The following PDE4D variants were observed in gnomAD, a reference collection of about 807,000 sequenced individuals.
PDE4D encodes phosphodiesterase 4D, also known as 3',5'-cyclic-AMP phosphodiesterase 4D.
PDE4D carries 24 observed loss-of-function variants against 87.4 expected under a neutral mutation model. The ratio of observed to expected loss-of-function variants is 0.27; its 90% CI spans 0.20 to 0.39. The LOEUF is 0.39. PDE4D is among the 10% of genes least tolerant of loss of function. The pLI is 1.00. For missense variants in PDE4D, 714 were observed against 1,041.0 expected, an observed-to-expected ratio of 0.69 and a Z score of 4.32; for synonymous variants, 384 against 383.2, an observed-to-expected ratio of 1.00 and a Z score of -0.02.
At chr5:59,793,269 G>A (rs1766036169) in intron 1 of PDE4D, among the ~76,000 whole-genome samples, 1 of 152,216 alleles carries the variant, frequency 6.6e-6, no homozygotes, top group South Asian at 2.1e-4. Flanking sequence ...ATGAAATATT[G>A]ACTCTGGAAT....
rs556929686 is a variant in PDE4D, at chr5:59,767,676, G to T, written c.455+125492C>A. 3.3e-5 allele frequency among the ~76,000 whole-genome samples: 5 copies of T among 152,258 alleles called. No individual in the cohort carries two copies. The South Asian group carries it at 6.2e-4, about 19-fold the overall frequency. Reference sequence around the variant, plus strand: ...CAAGTACCAGCCTGCAACTTTCTGCGTAGAATTCCTAATCCCTTTCTTCTT... The same window carrying T: ...CAAGTACCAGCCTGCAACTTTCTGCTTAGAATTCCTAATCCCTTTCTTCTT... On this transcript the variant is annotated intron_variant, in intron 1 of 14. Transcript: ENST00000340635.
intron 2 of PDE4D, among the ~76,000 whole-genome samples, chr5:60,105,992 A>C (rs1034763225): frequency 1.3e-5 from 2 of 152,228 alleles, no homozygotes; most frequent in African/African-American, 4.8e-5. Flanking sequence ...GACAGGATCA[A>C]CTTCACACAT....
intron 2 of PDE4D, among the ~76,000 whole-genome samples, chr5:60,048,148 T>C (rs1769549846): frequency 6.6e-6 from 1 of 152,028 alleles, no homozygotes; most frequent in Admixed American, 6.5e-5. Flanking sequence ...TTGATCTTTG[T>C]TGGTTTAAAG....
At chr5:59,619,015 T>C (rs954033493) in intron 1 of PDE4D, among the ~76,000 whole-genome samples, 2 of 152,174 alleles carry the variant, frequency 1.3e-5, no homozygotes, top group African/African-American at 4.8e-5. Context: ...AGGTATTTTG[T>C]TATAGCAACA....
At chr5:59,689,182 T>A (rs1459035390) in intron 1 of PDE4D, among the ~76,000 whole-genome samples, 4 of 152,008 alleles carry the variant, frequency 2.6e-5, no homozygotes, top group African/African-American at 9.7e-5. Context: ...ACTATTCCAA[T>A]CGATAGAAAA....
At chr5:60,322,410 ACAC>A (rs1756385958) in intron 1 of PDE4D, among the ~76,000 whole-genome samples, 2 of 133,710 alleles carry the variant, frequency 1.5e-5, no homozygotes, top group African/African-American at 5.6e-5. Flanking sequence ...ACACACACAC[ACAC>A]ACAAAACCCT....
chr5:59,897,271 G>T (rs1422530831), upstream of PDE4D, among the ~76,000 whole-genome samples: 1 of 152,056 alleles, frequency 6.6e-6, no homozygotes. Context: ...TCAATGTGCT[G>T]CTGGGCAATT....
intron 1 of PDE4D, among the ~76,000 whole-genome samples, chr5:59,247,336 T>C (rs1445966509): frequency 3.3e-5 from 5 of 152,158 alleles, no homozygotes; most frequent in African/African-American, 1.2e-4. Flanking sequence ...GTAGTTTCAA[T>C]GTTTGTGGGC....
chr5:59,881,549 T>C (rs1008860155), intron 1 of PDE4D, among the ~76,000 whole-genome samples: 1 of 152,188 alleles, frequency 6.6e-6, no homozygotes. Flanking sequence ...TTTAATAAAA[T>C]AAAGCACATG....
intron 1 of PDE4D, among the ~76,000 whole-genome samples, chr5:60,250,797 T>TA (rs934795237): frequency 1.3e-5 from 2 of 152,004 alleles, no homozygotes; most frequent in East Asian, 1.9e-4. Context: ...TTCTACTTAT[T>TA]AAAAAAATAG....
intron 1 of PDE4D, among the ~76,000 whole-genome samples, chr5:59,596,485 A>T (rs1561290238): frequency 6.6e-6 from 1 of 151,998 alleles, no homozygotes; most frequent in Non-Finnish European, 1.5e-5. Context: ...GTAGTGGGGT[A>T]CATGCTCTAG....
intron 1 of PDE4D, among the ~76,000 whole-genome samples, chr5:59,545,553 A>G (rs1817125632): frequency 6.6e-6 from 1 of 152,194 alleles, no homozygotes; most frequent in South Asian, 2.1e-4. Flanking sequence ...GTCAGCTTCA[A>G]CAGAAGAAAA....
chr5:60,110,627 A>G (rs1429561567), intron 2 of PDE4D, among the ~76,000 whole-genome samples: 1 of 152,106 alleles, frequency 6.6e-6, no homozygotes, highest in Non-Finnish European at 1.5e-5. Context: ...GAACTAACAT[A>G]TGATGTAGCA....
At chr5:59,803,797 G>A (rs965155759) in intron 1 of PDE4D, among the ~76,000 whole-genome samples, 15 of 152,178 alleles carry the variant, frequency 9.9e-5, no homozygotes, top group South Asian at 2.1e-4. Context: ...ACAAGGTCAC[G>A]TGGGCTAGGA....
At chr5:59,499,129 C>T (rs1270014211) in intron 1 of PDE4D, among the ~76,000 whole-genome samples, 1 of 151,784 alleles carries the variant, frequency 6.6e-6, no homozygotes, top group African/African-American at 2.4e-5. Flanking sequence ...CTTAAAACCA[C>T]ACAAATACAG....
At chr5:59,820,094 G>T (rs1055901953) in intron 1 of PDE4D, among the ~76,000 whole-genome samples, 6 of 152,162 alleles carry the variant, frequency 3.9e-5, no homozygotes, top group Non-Finnish European at 8.8e-5. Context: ...GGATGATGAA[G>T]ATGCTATGGG....
chr5:59,123,999 C>T (rs1196790257), intron 5 of PDE4D, among the ~76,000 whole-genome samples: 1 of 152,184 alleles, frequency 6.6e-6, no homozygotes, highest in African/African-American at 2.4e-5. Flanking sequence ...CCTAATATTT[C>T]TACAACTGTC....
chr5:59,715,657 G>A (rs995963110), intron 1 of PDE4D, among the ~76,000 whole-genome samples: 1 of 152,212 alleles, frequency 6.6e-6, no homozygotes, highest in African/African-American at 2.4e-5. Context: ...GTGGCTAGTT[G>A]GCCACTGGCC....
chr5:59,796,548 G>T (rs755159226), intron 1 of PDE4D, among the ~76,000 whole-genome samples: 1 of 152,114 alleles, frequency 6.6e-6, no homozygotes, highest in Non-Finnish European at 1.5e-5. Context: ...ATACCCTGGG[G>T]TGCTCAGCAC....
Sources: gnomAD v4.1 joint callset for allele counts (sites outside exome capture counted in the v4.1 genomes callset) on GRCh38, gnomAD v4.1.1 for gene constraint, MANE v1.5 for transcripts, NCBI Gene and HGNC (gene_info 2026-07-23, HGNC 2026-07-21) for gene names.